Variants in SGCZ observed in about 807,000 individuals in gnomAD.
SGCZ encodes sarcoglycan zeta.
SGCZ carries 40 observed loss-of-function variants against 41.3 expected under a neutral mutation model. The observed-to-expected ratio is 0.97, with a 90% CI of 0.75 to 1.26. The LOEUF (loss-of-function observed/expected upper bound fraction) is 1.26. Ranked by LOEUF, SGCZ falls within the 50% of genes most tolerant of loss-of-function variation. The probability of loss-of-function intolerance (pLI) is 0.00; values close to 1 mark genes in which losing one functional copy is unlikely to be tolerated. For missense variants in SGCZ, 552 were observed against 369.8 expected, an observed-to-expected ratio of 1.49 and a Z score of -4.04; for synonymous variants, 206 against 137.5, an observed-to-expected ratio of 1.50 and a Z score of -3.49.
At chr8:14,441,382 C>G (rs1800259237) in intron 2 of SGCZ, among the ~76,000 whole-genome samples, 1 of 152,048 alleles carries the variant, frequency 6.6e-6, no homozygotes, top group African/African-American at 2.4e-5. Context: ...TGAGGCCATC[C>G]TGTCCAACAT....
rs146365161 is a variant in SGCZ, at chr8:14,767,236, C to T, written c.40-212310G>A. On this transcript the variant is annotated intron_variant, in intron 1 of 7. Transcript: ENST00000382080. The stretch of plus-strand genomic sequence containing the variant: ...AAGGCCTTGCAGTAGCCTACTTTTC[C>T]CCCTCACAATTCCCCTGAAGCCACA... Among the ~76,000 whole-genome samples the T allele has an allele frequency of 4.5e-3, 684 of 152,256 alleles. 1 individual carries two copies. Among genetic ancestry groups the T allele is most frequent in the East Asian group, 0.01 (54 of 5,162 alleles).
intron 2 of SGCZ, among the ~76,000 whole-genome samples, chr8:14,495,759 T>G (rs1476074679): frequency 6.7e-6 from 1 of 149,386 alleles, no homozygotes; most frequent in African/African-American, 2.5e-5. Flanking sequence ...CCTGCCATAA[T>G]GAGACGACGT....
At chr8:15,065,452 ATTATTATT>A in intron 1 of SGCZ, among the ~76,000 whole-genome samples, 1 of 145,218 alleles carries the variant, frequency 6.9e-6, no homozygotes, top group Middle Eastern at 3.6e-3. Context: ...TATTATTATT[ATTATTATT>A]TTGAGTCAAG....
chr8:15,125,769 T>C (rs1002345988), intron 1 of SGCZ, among the ~76,000 whole-genome samples: 1 of 152,216 alleles, frequency 6.6e-6, no homozygotes, highest in East Asian at 1.9e-4. Context: ...AATCTGATAC[T>C]TAAAAAGTAT....
At chr8:14,474,515 C>A (rs185536005) in intron 2 of SGCZ, among the ~76,000 whole-genome samples, 2 of 152,246 alleles carry the variant, frequency 1.3e-5, no homozygotes, top group African/African-American at 4.8e-5. Flanking sequence ...CATAATTATT[C>A]CTCAATGTTT....
At chr8:14,234,163 T>G (rs1034491968) in intron 4 of SGCZ, among the ~76,000 whole-genome samples, 1 of 152,066 alleles carries the variant, frequency 6.6e-6, no homozygotes, top group African/African-American at 2.4e-5. Context: ...TTTTAAAATA[T>G]TTAGATTTAG....
chr8:14,332,974 G>C (rs897980765), intron 2 of SGCZ, among the ~76,000 whole-genome samples: 6 of 150,822 alleles, frequency 4.0e-5, no homozygotes, highest in East Asian at 1.9e-4. Context: ...ATACGAAATG[G>C]AGAACGGACC....
intron 2 of SGCZ, among the ~76,000 whole-genome samples, chr8:14,550,760 A>G (rs1295402181): frequency 6.6e-6 from 1 of 152,066 alleles, no homozygotes; most frequent in Non-Finnish European, 1.5e-5. Context: ...TTAGAAGGAC[A>G]TACATCATAT....
In SGCZ at chr8:14,243,566, C is replaced by T. The variant is rs547377829; in HGVS notation, c.337-5887G>A. Among the ~76,000 whole-genome samples the T allele has an allele frequency of 2.0e-5, 3 of 152,306 alleles. No individual in the cohort carries two copies. In the South Asian group the frequency reaches 6.2e-4, roughly 32 times the overall value. On this transcript the variant is annotated intron_variant, in intron 3 of 7. Transcript: ENST00000382080. ...TGTTCATAACATGTAAGGTTCTTCA[C>T]AATGTGACCCAATTCTACTTTTCTA... is the stretch of plus-strand genomic sequence containing the variant.
At chr8:14,182,510 C>G (rs954297511) in intron 4 of SGCZ, among the ~76,000 whole-genome samples, 1 of 152,152 alleles carries the variant, frequency 6.6e-6, no homozygotes, top group African/African-American at 2.4e-5. Context: ...TCTACTCATC[C>G]AGCTGGACTT....
chr8:15,191,494 T>C (rs2117111206), intron 1 of SGCZ, among the ~76,000 whole-genome samples: 1 of 152,138 alleles, frequency 6.6e-6, no homozygotes, highest in Middle Eastern at 3.4e-3. Flanking sequence ...TTAAAGGTTT[T>C]AAAGAAAACC....
intron 1 of SGCZ, among the ~76,000 whole-genome samples, chr8:14,989,349 G>C (rs547339133): frequency 6.6e-6 from 1 of 152,108 alleles, no homozygotes; most frequent in Non-Finnish European, 1.5e-5. Context: ...AGCCGAGCGT[G>C]GTGGTGTATG....
At chr8:14,988,658 ATAGT>A (rs1801907159) in intron 1 of SGCZ, among the ~76,000 whole-genome samples, 2 of 152,136 alleles carry the variant, frequency 1.3e-5, no homozygotes, top group African/African-American at 4.8e-5. Flanking sequence ...TGTTATTCTA[ATAGT>A]TAGCCAAGGA....
At chr8:14,626,105 A>G (rs1418602748) in intron 1 of SGCZ, among the ~76,000 whole-genome samples, 1 of 152,138 alleles carries the variant, frequency 6.6e-6, no homozygotes, top group Non-Finnish European at 1.5e-5. Flanking sequence ...AACATAACAC[A>G]GAGTTATATC....
At chr8:14,819,790 C>G (rs188948164) in intron 1 of SGCZ, among the ~76,000 whole-genome samples, 2 of 151,918 alleles carry the variant, frequency 1.3e-5, no homozygotes, top group Non-Finnish European at 2.9e-5. Context: ...TGCTATGAAC[C>G]TAAAATAATC....
At chr8:14,463,516 GA>G (rs1456805582) in intron 2 of SGCZ, among the ~76,000 whole-genome samples, 17 of 150,738 alleles carry the variant, frequency 1.1e-4, no homozygotes. Context: ...ACCCAAATAT[GA>G]AATCTAAAAC....
intron 1 of SGCZ, among the ~76,000 whole-genome samples, chr8:14,861,059 G>A (rs1013784396): frequency 1.3e-5 from 2 of 152,160 alleles, no homozygotes; most frequent in African/African-American, 2.4e-5. Context: ...GTGAGCTCAC[G>A]ATGCTTGAGA....
intron 1 of SGCZ, among the ~76,000 whole-genome samples, chr8:15,155,795 C>A (rs1192006999): frequency 6.6e-6 from 1 of 152,120 alleles, no homozygotes; most frequent in Non-Finnish European, 1.5e-5. Context: ...TGGTGACTTA[C>A]ACCTGTTATC....
At chr8:15,096,848 G>T (rs1171039287) in intron 1 of SGCZ, among the ~76,000 whole-genome samples, 1 of 151,940 alleles carries the variant, frequency 6.6e-6, no homozygotes, top group Non-Finnish European at 1.5e-5. Flanking sequence ...ACCACACCTG[G>T]CTAATTTTTT....
Sources: gnomAD v4.1 joint callset for allele counts (sites outside exome capture counted in the v4.1 genomes callset) on GRCh38, gnomAD v4.1.1 for gene constraint, MANE v1.5 for transcripts, NCBI Gene and HGNC (gene_info 2026-07-23, HGNC 2026-07-21) for gene names.